TTC16: variants seen among roughly 807,000 people sequenced by gnomAD.
TTC16 encodes the protein tetratricopeptide repeat domain 16, also known as tetratricopeptide repeat protein 16.
A neutral mutation model predicts 80.4 loss-of-function variants in TTC16; 66 were observed. The ratio of observed to expected loss-of-function variants is 0.82; its 90% CI spans 0.67 to 1.01. The LOEUF (loss-of-function observed/expected upper bound fraction) is 1.01. Among genes scored for constraint, TTC16 ranks in the 50% least tolerant of loss-of-function variants. The pLI is 0.00. For missense variants in TTC16, 1,070 were observed against 1,103.2 expected, an observed-to-expected ratio of 0.97 and a Z score of 0.43; for synonymous variants, 438 against 451.3, an observed-to-expected ratio of 0.97 and a Z score of 0.37.
In TTC16 at chr9:127,731,308, G is replaced by T; in HGVS notation, c.2525G>T (p.Ser842Ile). Reference sequence around the variant, plus strand: ...GCCCAGGGCAAGAGCCAGGGCATGAGCTCAACTTCCAGCAAGGCCGAGTCC... The same window carrying T: ...GCCCAGGGCAAGAGCCAGGGCATGATCTCAACTTCCAGCAAGGCCGAGTCC... ...EGAQGKSQGM[S>I]STSSKAESTW... The change falls in exon 14 of 14, where the codon AGC (serine) becomes ATC (isoleucine). Residue 842 changes from serine (S) to isoleucine (I), a missense_variant. Ser to Ile is a moderately radical substitution (Grantham distance 142). Transcript: ENST00000373289. The T allele has an allele frequency of 2.5e-6, 4 of 1,613,194 alleles. No homozygotes were observed. In the East Asian group the frequency reaches 8.9e-5, roughly 36 times the overall value.
chr9:127,726,995 T>TC lies in TTC16; in HGVS notation c.1454dup (p.Met487HisfsTer8), dbSNP rs1312268153. On this transcript the variant is annotated frameshift_variant, in exon 11 of 14. Transcript: ENST00000373289. LOFTEE classifies it high-confidence loss of function. ...CTGTCCCTGCTGATGACCAACCTCT[T>TC]CCCGGGCATGTCGGTGGAGGAGGTG... 7 of 1,612,978 alleles carry TC rather than the reference T, an allele frequency of 4.3e-6. No individual in the cohort carries two copies. Among genetic ancestry groups the TC allele is most frequent in the Non-Finnish European group, 5.9e-6 (7 of 1,179,972 alleles).
intron 12 of TTC16, 81 bp downstream of exon 12, chr9:127,727,546 G>A (rs1352052586): frequency 1.3e-6 from 2 of 1,491,522 alleles, no homozygotes; most frequent in African/African-American, 1.4e-5. Context: ...AAGGATGCAG[G>A]CCAGTGGAGT....
At position 127,730,746 on chromosome 9, in the gene TTC16, TC is replaced by T. The variant is rs1179776945; in HGVS notation, c.1965del (p.Ser656ArgfsTer10). On this transcript the variant is annotated frameshift_variant, in exon 14 of 14. Transcript: ENST00000373289. LOFTEE classifies it low-confidence loss of function (END_TRUNC). ...FSDSSLLKTQ[S>X]SDSGNNREAL... ...TGACTCGTCACTGTTGAAGACGCAA[TC>T]CTCGGACTCTGGGAACAACAGGGAG... 6.2e-7 allele frequency: 1 copy of T among 1,613,580 alleles called. No individual in the cohort carries two copies. The highest frequency in any genetic ancestry group is 1.3e-5 in the African/African-American group (1 of 75,024).
Position 127,718,988 on chromosome 9 carries a change from G to A in TTC16, c.427-1090G>A, listed in dbSNP as rs1349164323. On this transcript the variant is annotated intron_variant, in intron 4 of 13. Coordinates refer to ENST00000373289, the MANE Select transcript of TTC16 (RefSeq NM_144965.3). The surrounding 1 kb of genome is among the most constrained non-coding windows in gnomAD (Gnocchi z 4.6). ...AGCACTTTGGGAGGCCGAGTTGGGC[G>A]GATCATGAGGTCAGGAGTTTGAGAC... 6.6e-6 allele frequency among the ~76,000 whole-genome samples: 1 copy of A among 151,712 alleles called. No homozygotes were observed. The highest frequency in any genetic ancestry group is 1.5e-5 in the Non-Finnish European group (1 of 67,872).
At chr9:127,724,713 A>G in intron 8 of TTC16, 43 bp from the exon 9 acceptor site, 1 of 1,589,964 alleles carries the variant, frequency 6.3e-7, no homozygotes, top group Non-Finnish European at 8.5e-7. Flanking sequence ...GCTCCCGGGC[A>G]CTGGGAGTTG....
At chr9:127,716,337 C>A in intron 1 of TTC16, 174 bp downstream of exon 1, 2 of 966,818 alleles carry the variant, frequency 2.1e-6, no homozygotes, top group Non-Finnish European at 3.1e-6. Context: ...TAAGGCTCGG[C>A]GGCTGCTTGG....
chr9:127,716,637 G>A, intron 1 of TTC16: 1 of 627,792 alleles, frequency 1.6e-6, no homozygotes, highest in Non-Finnish European at 2.7e-6. Context: ...GACCACAGGA[G>A]AGGGAGAAGG....
chr9:127,727,682 C>CA, intron 12 of TTC16: 1 of 970,182 alleles, frequency 1.0e-6, no homozygotes, highest in Middle Eastern at 3.5e-4. Context: ...TGTGGGCCCT[C>CA]AGAGAGAGGA....
At position 127,729,612 on chromosome 9, in the gene TTC16, T is replaced by G; in HGVS notation, c.1796T>G (p.Val599Gly). 1.2e-6 allele frequency: 2 copies of G among 1,613,852 alleles called. No homozygotes were observed. The highest frequency in any genetic ancestry group is 1.7e-6 in the Non-Finnish European group (2 of 1,180,008). Residue 599 changes from valine to glycine, a missense_variant, in exon 13 of 14, where the codon GTG becomes GGG. Physicochemically the swap from Val to Gly is moderately radical, Grantham distance 109. Transcript: ENST00000373289. ...AAATCAGAGCTCATACCTAGCAAGGTGGCGTCCCTGTCTGACAGCTACCTT... is the reference window on the plus strand; with the variant it reads ...AAATCAGAGCTCATACCTAGCAAGGGGGCGTCCCTGTCTGACAGCTACCTT... Reference protein sequence around the residue: ...EKKSELIPSKVASLSDSYLDQ... With the variant: ...EKKSELIPSKGASLSDSYLDQ...
In TTC16 at chr9:127,722,720, C is replaced by CTCAAACCTGTAATCCCAG. The variant is rs1843602293; in HGVS notation, c.658-399_658-398insTCAAACCTGTAATCCCAG. On this transcript the variant is annotated intron_variant, in intron 6 of 13. Coordinates refer to ENST00000373289, the MANE Select transcript of TTC16 (RefSeq NM_144965.3). The surrounding 1 kb of genome is among the most constrained non-coding windows in gnomAD (Gnocchi z 4.2). ...CCTGTAATCCCAGCACTTCGGGAGG[C>CTCAAACCTGTAATCCCAG]CAAGGTGGGCGGATCACCTAAGGTC... Among the ~76,000 whole-genome samples the CTCAAACCTGTAATCCCAG allele has an allele frequency of 6.6e-6, 1 of 152,066 alleles. No homozygotes were observed. The highest frequency in any genetic ancestry group is 1.5e-5 in the Non-Finnish European group (1 of 68,006).
chr9:127,725,023 G>A, intron 9 of TTC16, 126 bp downstream of exon 9: 1 of 1,198,162 alleles, frequency 8.3e-7, no homozygotes, highest in East Asian at 2.8e-5. Flanking sequence ...GCTCATCCCT[G>A]TAATCCCCAC....
In TTC16 at chr9:127,717,437, C is replaced by T. The variant is rs776211919; in HGVS notation, c.282+13C>T. ...GGACCCACAGCTGGTGAGAGGCAGA[C>T]CTGGGTGGGCACAGGCAGTTGCTGG... On this transcript the variant is annotated intron_variant, in intron 3 of 13. Transcript: ENST00000373289. The T allele has an allele frequency of 1.8e-5, 29 of 1,607,026 alleles. No individual in the cohort carries two copies. The highest frequency in any genetic ancestry group is 2.5e-5 in the Non-Finnish European group (29 of 1,174,998).
rs375201153 is a variant in TTC16 at position 127,717,014 on chromosome 9, A to G, written c.189A>G (p.Glu63=). ...TAACAGTGCCCCTCAAAGTCAGGGA[A>G]TAGTGAGTGACTACCTTGCTTTGGG... is the stretch of plus-strand genomic sequence containing the variant. ...TGLTVPLKVR[E]YYSRGQQCLE... The change falls in exon 2 of 14, where the codon GAA becomes GAG. Residue 63 remains glutamate (E), a splice_region_variant and synonymous_variant. Transcript: ENST00000373289. The G allele has an allele frequency of 1.4e-5, 23 of 1,611,906 alleles. No individual in the cohort carries two copies. The African/African-American group carries it at 2.8e-4, about 20-fold the overall frequency.
intron 11 of TTC16, 72 bp from the exon 12 acceptor site, chr9:127,727,198 C>G (rs1844050014): frequency 7.2e-6 from 11 of 1,522,442 alleles, no homozygotes; most frequent in African/African-American, 1.4e-5. Flanking sequence ...ATGACGGGGC[C>G]GTTGTCTAGT....
At position 127,731,534 on chromosome 9, in the gene TTC16, C is replaced by T; in HGVS notation, c.*129C>T. ...TCTTAGCAACAGTCCTCTGGTCCCA[C>T]AGCTGAGTTTATTATACTTGTTTTC... On this transcript the variant is annotated 3_prime_UTR_variant, in exon 14 of 14. Coordinates refer to ENST00000373289, the MANE Select transcript of TTC16 (RefSeq NM_144965.3). The T allele has an allele frequency of 6.9e-7, 1 of 1,458,558 alleles. No homozygotes were observed. The highest frequency in any genetic ancestry group is 9.0e-7 in the Non-Finnish European group (1 of 1,107,610). The allele number at this position is 1,458,558 out of a possible 1,614,324, so 90.4% of individuals were successfully genotyped here.
intron 8 of TTC16, 152 bp downstream of exon 8, chr9:127,724,516 C>A: frequency 8.6e-7 from 1 of 1,166,346 alleles, no homozygotes. Flanking sequence ...CTCAGTATCC[C>A]AGGAACACAC....
intron 9 of TTC16, 149 bp from the exon 10 acceptor site, chr9:127,726,090 C>T (rs1459548287): frequency 2.0e-5 from 10 of 498,492 alleles, no homozygotes; most frequent in African/African-American, 4.0e-5. Context: ...TCATCAGGGA[C>T]GTACCTGATG....
At chr9:127,730,255 C>T (rs1564395534) in intron 13 of TTC16, 1 of 302,736 alleles carries the variant, frequency 3.3e-6, no homozygotes, top group Non-Finnish European at 6.3e-6. Flanking sequence ...AGACACAGTG[C>T]GGGGGAAGCC....
rs564452113 is a variant in TTC16, at chr9:127,722,925, G to A, written c.658-194G>A. Among the ~76,000 whole-genome samples the A allele has an allele frequency of 6.6e-5, 10 of 150,684 alleles. No homozygotes were observed. Among genetic ancestry groups the A allele is most frequent in the East Asian group, 5.9e-4 (3 of 5,122 alleles). On this transcript the variant is annotated intron_variant, in intron 6 of 13. Coordinates refer to ENST00000373289, the MANE Select transcript of TTC16 (RefSeq NM_144965.3). This position sits in a 1 kb window ranked among gnomAD's most constrained non-coding sequence, Gnocchi z 4.2. ...AGAGGTTGCAGTGAGCCAAGACCAC[G>A]CCATTGCACTCCAGCCTGGGTGACA... is the stretch of plus-strand genomic sequence containing the variant.
Sources: gnomAD v4.1 joint callset for allele counts (sites outside exome capture counted in the v4.1 genomes callset) on GRCh38, gnomAD v4.1.1 for gene constraint, Gnocchi (gnomAD v3.1) non-coding constraint, MANE v1.5 for transcripts, NCBI Gene and HGNC (gene_info 2026-07-23, HGNC 2026-07-21) for gene names.